Variants in ZNG1A observed in about 807,000 individuals in gnomAD.
The protein encoded by ZNG1A is zinc-regulated GTPase metalloprotein activator 1A.
chr9:159,576 G>C, the ZNG1A span, among the ~76,000 whole-genome samples: 1 of 151,934 alleles, frequency 6.6e-6, no homozygotes, highest in Non-Finnish European at 1.5e-5. Context: ...AAGCTGGGGG[G>C]GTTAGGGAGA....
At chr9:177,131 C>G in the ZNG1A span, among the ~76,000 whole-genome samples, 1 of 152,288 alleles carries the variant, frequency 6.6e-6, no homozygotes, top group Non-Finnish European at 1.5e-5. Flanking sequence ...GGCTAAAACA[C>G]TTGGCACCTT....
chr9:132,261 C>T, the ZNG1A span, among the ~76,000 whole-genome samples: 3 of 148,988 alleles, frequency 2.0e-5, no homozygotes, highest in South Asian at 4.2e-4. Flanking sequence ...CAGTGGCTCA[C>T]GCCTGTAATC....
the ZNG1A span, among the ~76,000 whole-genome samples, chr9:163,210 G>A: frequency 2.0e-5 from 3 of 152,022 alleles, no homozygotes; most frequent in African/African-American, 7.2e-5. Flanking sequence ...AACTAAGAAA[G>A]TTTCTAATAT....
the ZNG1A span, among the ~76,000 whole-genome samples, chr9:163,103 T>A: frequency 6.6e-6 from 1 of 151,544 alleles, no homozygotes; most frequent in Admixed American, 6.6e-5. Context: ...AGCTCAATGA[T>A]GGGGCCCAGC....
chr9:174,071 C>A, the ZNG1A span, among the ~76,000 whole-genome samples: 2 of 150,234 alleles, frequency 1.3e-5, no homozygotes, highest in Non-Finnish European at 3.0e-5. Flanking sequence ...GGCGTGAACC[C>A]GGGAGGCGGA....
the ZNG1A span, chr9:150,560 T>TA: frequency 1.0e-6 from 1 of 983,380 alleles, no homozygotes; most frequent in Non-Finnish European, 1.2e-6. Flanking sequence ...AAAAGGATTC[T>TA]AATGCAACTT....
the ZNG1A span, chr9:167,216 A>T: frequency 6.6e-6 from 1 of 151,694 alleles, no homozygotes; most frequent in Non-Finnish European, 1.5e-5. Context: ...AGTGTTCCCA[A>T]ACAAGTTATT....
chr9:158,502 A>C, the ZNG1A span, among the ~76,000 whole-genome samples: 17 of 150,636 alleles, frequency 1.1e-4, no homozygotes, highest in African/African-American at 3.5e-4. Flanking sequence ...TTTGTGAGGC[A>C]TAAAAATGAT....
At chr9:172,949 C>T in the ZNG1A span, 1 of 304,740 alleles carries the variant, frequency 3.3e-6, no homozygotes, top group South Asian at 3.2e-5. Flanking sequence ...AGATTGAACA[C>T]TTAGAAGTAT....
chr9:170,446 C>T, the ZNG1A span, among the ~76,000 whole-genome samples: 1 of 150,442 alleles, frequency 6.6e-6, no homozygotes, highest in Non-Finnish European at 1.5e-5. Flanking sequence ...AGTGCAGTGG[C>T]GTGATCTCGG....
chr9:160,129 C>G, the ZNG1A span: 2 of 454,528 alleles, frequency 4.4e-6, no homozygotes, highest in Non-Finnish European at 8.8e-6. Context: ...TTTAAGTTGT[C>G]CAATTCTTTG....
At chr9:169,854 CTTTTT>C in the ZNG1A span, among the ~76,000 whole-genome samples, 593 of 53,780 alleles carry the variant, frequency 0.011, no homozygotes, top group Middle Eastern at 0.024. Flanking sequence ...ATAAACACAG[CTTTTT>C]TTTTTTTTTT....
chr9:150,648 T>A, the ZNG1A span: 53 of 977,566 alleles, frequency 5.4e-5, 4 homozygotes, highest in Non-Finnish European at 6.4e-5. Flanking sequence ...ATACACTGAA[T>A]AATTCACAGA....
chr9:163,597 T>C, the ZNG1A span, among the ~76,000 whole-genome samples: 2 of 152,052 alleles, frequency 1.3e-5, no homozygotes, highest in Admixed American at 6.5e-5. Flanking sequence ...ACAACAACAA[T>C]AAGCTTAACC....
chr9:157,766 A>C, the ZNG1A span, among the ~76,000 whole-genome samples: 3 of 146,734 alleles, frequency 2.0e-5, no homozygotes, highest in African/African-American at 5.0e-5. Context: ...ACAAATGTCA[A>C]TAATCATATA....
the ZNG1A span, among the ~76,000 whole-genome samples, chr9:164,600 C>T: frequency 6.7e-6 from 1 of 149,200 alleles, no homozygotes; most frequent in East Asian, 2.0e-4. Flanking sequence ...CTGTATAAAA[C>T]CTGGGTCTTA....
chr9:154,350 G>A, the ZNG1A span: 1 of 384,298 alleles, frequency 2.6e-6, no homozygotes. Flanking sequence ...TACATTACGA[G>A]TAAAGACAGG....
the ZNG1A span, among the ~76,000 whole-genome samples, chr9:176,342 AG>A: frequency 1.4e-5 from 2 of 143,306 alleles, no homozygotes; most frequent in African/African-American, 5.3e-5. Flanking sequence ...GAGGAAAAAA[AG>A]AAAATCCTAA....
chr9:121,420 A>C, the ZNG1A span: 1 of 1,172,054 alleles, frequency 8.5e-7, no homozygotes. Context: ...ACCCAGTAGA[A>C]ACTTATTTTT....
Sources: gnomAD v4.1 joint callset for allele counts (sites outside exome capture counted in the v4.1 genomes callset) on GRCh38, gnomAD v4.1.1 for gene constraint, MANE v1.5 for transcripts, NCBI Gene and HGNC (gene_info 2026-07-23, HGNC 2026-07-21) for gene names.